Variants in CARS1 observed in about 807,000 individuals in gnomAD.
CARS1 encodes cysteinyl-tRNA synthetase 1.
Under a neutral mutation model 106.2 loss-of-function variants are expected in CARS1, and 48 were observed. That is an observed-to-expected ratio of 0.45 (90% confidence interval 0.36 to 0.57). CARS1 has a LOEUF of 0.57. CARS1 is among the 20% of genes least tolerant of loss of function. The pLI, the probability that CARS1 is intolerant of heterozygous loss-of-function variation, is 0.00. For missense variants in CARS1, 968 were observed against 1,057.2 expected (o/e 0.92, Z 1.17); for synonymous variants, 409 against 403.4 (o/e 1.01, Z -0.17).
In CARS1 at chr11:3,028,680, T is replaced by C. The variant is rs972045362; in HGVS notation, c.1031+316A>G. The C allele has an allele frequency of 2.4e-6, 1 of 408,810 alleles. No homozygotes were observed. The highest frequency in any genetic ancestry group is 4.4e-6 in the Non-Finnish European group (1 of 229,816). 25.3% of individuals were successfully genotyped at this position (408,810 alleles called of 1,614,324 possible). A position where few individuals can be genotyped will look rare whatever the true frequency, so the allele number is the denominator to read the frequency against. On this transcript the variant is annotated intron_variant, in intron 9 of 22. Coordinates refer to ENST00000380525, the MANE Select transcript of CARS1 (RefSeq NM_001014437.3). The surrounding 1 kb of genome is among the most constrained non-coding windows in gnomAD (Gnocchi z 4.4). ...CAAAATGTCTACGCAATGGCACTGATGTCTGTGAAGGCCCAGCAGTATTCG... is the reference window on the plus strand; with the variant it reads ...CAAAATGTCTACGCAATGGCACTGACGTCTGTGAAGGCCCAGCAGTATTCG...
chr11:3,029,824 G>C lies in CARS1; in HGVS notation c.802-381C>G. The C allele has an allele frequency of 1.4e-5, 3 of 210,776 alleles. No homozygotes were observed. The highest frequency in any genetic ancestry group is 2.8e-5 in the Non-Finnish European group (3 of 105,604). The allele number at this position is 210,776 out of a possible 1,614,324, so 13.1% of individuals were successfully genotyped here. Reference sequence around the variant, plus strand: ...GTGTCACCTACAGCACAACCCCTTGGTGCATTCAGGAAAAGATTCATGACG... The same window carrying C: ...GTGTCACCTACAGCACAACCCCTTGCTGCATTCAGGAAAAGATTCATGACG... On this transcript the variant is annotated intron_variant, in intron 7 of 22. Coordinates refer to ENST00000380525, the MANE Select transcript of CARS1 (RefSeq NM_001014437.3). The surrounding 1 kb of genome is among the most constrained non-coding windows in gnomAD (Gnocchi z 5.9).
chr11:3,036,548 A>C (rs1853663948), intron 7 of CARS1, among the ~76,000 whole-genome samples: 1 of 152,256 alleles, frequency 6.6e-6, no homozygotes. Context: ...GGATGTGGAG[A>C]AAACAGAACC....
At chr11:3,035,926 C>T (rs765790390) in intron 7 of CARS1, among the ~76,000 whole-genome samples, 5 of 152,336 alleles carry the variant, frequency 3.3e-5, no homozygotes, top group Middle Eastern at 3.4e-3. Context: ...GCTAAGAGGC[C>T]GGGAAACCCA....
rs1323432087 is a variant in CARS1, at chr11:3,038,653, G to A, written c.652-454C>T. ...AAAATGCCATAAGCATATCCATAAT[G>A]ATTACTGTAATTACTAAGGATAATT... is the stretch of plus-strand genomic sequence containing the variant. On this transcript the variant is annotated intron_variant, in intron 6 of 22. Coordinates refer to ENST00000380525, the MANE Select transcript of CARS1 (RefSeq NM_001014437.3). The surrounding 1 kb of genome is among the most constrained non-coding windows in gnomAD (Gnocchi z 4.0). 6.6e-6 allele frequency among the ~76,000 whole-genome samples: 1 copy of A among 152,134 alleles called. No homozygotes were observed. Among genetic ancestry groups the A allele is most frequent in the African/African-American group, 2.4e-5 (1 of 41,418 alleles).
chr11:3,038,652 T>C lies in CARS1; in HGVS notation c.652-453A>G, dbSNP rs574068023. Among the ~76,000 whole-genome samples, 1 of 152,238 alleles carries C rather than the reference T, an allele frequency of 6.6e-6. No individual in the cohort carries two copies. The highest frequency in any genetic ancestry group is 1.5e-5 in the Non-Finnish European group (1 of 68,040). On this transcript the variant is annotated intron_variant, in intron 6 of 22. Coordinates refer to ENST00000380525, the MANE Select transcript of CARS1 (RefSeq NM_001014437.3). The surrounding 1 kb of genome is among the most constrained non-coding windows in gnomAD (Gnocchi z 4.0). ...TAAAATGCCATAAGCATATCCATAA[T>C]GATTACTGTAATTACTAAGGATAAT...
intron 22 of CARS1, among the ~76,000 whole-genome samples, chr11:3,001,660 C>T (rs1289680727): frequency 5.3e-5 from 8 of 152,218 alleles, no homozygotes; most frequent in Non-Finnish European, 1.5e-5. Flanking sequence ...CTATCTGCGC[C>T]ACGGCACTTC....
chr11:3,042,900 G>C (rs1854667359), intron 2 of CARS1, among the ~76,000 whole-genome samples: 1 of 151,898 alleles, frequency 6.6e-6, no homozygotes, highest in African/African-American at 2.4e-5. Flanking sequence ...CAGCAGGCAA[G>C]ACTGGCTCCA....
rs1855034960 is a variant in CARS1 at position 3,045,941 on chromosome 11, C to G, written c.274+1812G>C. On this transcript the variant is annotated intron_variant, in intron 2 of 22. Transcript: ENST00000380525. The surrounding 1 kb of genome is among the most constrained non-coding windows in gnomAD (Gnocchi z 5.6). ...GAGGTCACTGGATGCTCTAGCAGTC[C>G]CAGACTCCAGCTCCCACCTCCCCCT... 6.6e-6 allele frequency among the ~76,000 whole-genome samples: 1 copy of G among 152,118 alleles called. No individual in the cohort carries two copies. Among genetic ancestry groups the G allele is most frequent in the African/African-American group, 2.4e-5 (1 of 41,404 alleles).
At position 3,045,129 on chromosome 11, in the gene CARS1, T is replaced by G. The variant is rs1408012393; in HGVS notation, c.274+2624A>C. 6.6e-6 allele frequency among the ~76,000 whole-genome samples: 1 copy of G among 151,940 alleles called. No individual in the cohort carries two copies. Among genetic ancestry groups the G allele is most frequent in the African/African-American group, 2.4e-5 (1 of 41,364 alleles). On this transcript the variant is annotated intron_variant, in intron 2 of 22. Transcript: ENST00000380525. The surrounding 1 kb of genome is among the most constrained non-coding windows in gnomAD (Gnocchi z 5.6). The stretch of plus-strand genomic sequence containing the variant: ...CTGAGCCTCCACTGCGGGTGAGAAG[T>G]GCTCAACAAGTTCAACGTCCTGATA...
At position 3,053,568 on chromosome 11, in the gene CARS1, T is replaced by C. The variant is rs1855899458; in HGVS notation, c.25+3775A>G. On this transcript the variant is annotated intron_variant, in intron 1 of 22. Transcript: ENST00000380525. The surrounding 1 kb of genome is among the most constrained non-coding windows in gnomAD (Gnocchi z 6.6). Reference sequence around the variant, plus strand: ...TTAAACCTCTCCCGGCTGCCCTGTTTCTCTTCCTGCGTTCCCTTGAGGCTC... The same window carrying C: ...TTAAACCTCTCCCGGCTGCCCTGTTCCTCTTCCTGCGTTCCCTTGAGGCTC... Among the ~76,000 whole-genome samples the C allele has an allele frequency of 6.6e-6, 1 of 152,058 alleles. No homozygotes were observed. The highest frequency in any genetic ancestry group is 2.4e-5 in the African/African-American group (1 of 41,382).
At chr11:3,018,075 C>G in intron 14 of CARS1, 121 bp from the exon 15 acceptor site, 1 of 667,000 alleles carries the variant, frequency 1.5e-6, no homozygotes. Context: ...CAGAATTACA[C>G]AAGTGGTCAG....
At chr11:3,035,861 G>C (rs938363636) in intron 7 of CARS1, among the ~76,000 whole-genome samples, 1 of 152,184 alleles carries the variant, frequency 6.6e-6, no homozygotes, top group Non-Finnish European at 1.5e-5. Flanking sequence ...CCTGAGAAAG[G>C]CCTGCCTACA....
chr11:3,035,900 C>G (rs916264717), intron 7 of CARS1, among the ~76,000 whole-genome samples: 2 of 152,224 alleles, frequency 1.3e-5, no homozygotes, highest in African/African-American at 4.8e-5. Context: ...CATCCAGGAG[C>G]TGAAATGTCC....
chr11:3,042,307 G>T, intron 2 of CARS1, 51 bp from the exon 3 acceptor site: 1 of 1,371,460 alleles, frequency 7.3e-7, no homozygotes, highest in Non-Finnish European at 1.0e-6. Context: ...ACCAGGAAGT[G>T]CAAGTCGCCT....
At chr11:3,014,184 A>C (rs1169921704) in intron 17 of CARS1, among the ~76,000 whole-genome samples, 1 of 152,122 alleles carries the variant, frequency 6.6e-6, no homozygotes, top group Non-Finnish European at 1.5e-5. Flanking sequence ...GGGGCACTGG[A>C]GGGGAACTCT....
chr11:3,013,806 T>C (rs1282003159), intron 17 of CARS1, among the ~76,000 whole-genome samples: 4 of 152,118 alleles, frequency 2.6e-5, no homozygotes, highest in African/African-American at 7.2e-5. Flanking sequence ...TGACCGGAGA[T>C]TGCGCTACTG....
rs182501851 is a variant in CARS1 at position 3,001,216 on chromosome 11, C to T, written c.2394G>A (p.Glu798=). The change falls in exon 23 of 23, where the codon GAG becomes GAA. Residue 798 remains glutamate, a synonymous_variant. Transcript: ENST00000380525. ...GLPTHDMEGK[E]LSKGQAKKLK... is the part of the protein sequence containing the mutation. ...GCTTCTTGGCTTGCCCTTTGCTGAG[C>T]TCTTTGCCCTCCATGTCATGTGTGG... 3 of 1,613,888 alleles carry T rather than the reference C, an allele frequency of 1.9e-6. No homozygotes were observed. Among genetic ancestry groups the T allele is most frequent in the African/African-American group, 2.7e-5 (2 of 74,934 alleles).
chr11:3,041,044 A>G lies in CARS1; in HGVS notation c.367-60T>C, dbSNP rs746849220. 6.2e-7 allele frequency: 1 copy of G among 1,612,758 alleles called. No homozygotes were observed. The highest frequency in any genetic ancestry group is 1.7e-5 in the Admixed American group (1 of 59,842). On this transcript the variant is annotated intron_variant, in intron 3 of 22. Coordinates refer to ENST00000380525, the MANE Select transcript of CARS1 (RefSeq NM_001014437.3). The surrounding 1 kb of genome is among the most constrained non-coding windows in gnomAD (Gnocchi z 4.9). ...AATGCAAGAAACACTGCACAGGATT[A>G]CCAAAAACAGCAACAAACATCACAG...
rs1855107564 is a variant in CARS1, at chr11:3,046,605, A to G, written c.274+1148T>C. On this transcript the variant is annotated intron_variant, in intron 2 of 22. Transcript: ENST00000380525. This position sits in a 1 kb window ranked among gnomAD's most constrained non-coding sequence, Gnocchi z 5.8. ...TCCAGCCTGGTTAAAACAGTGATCT[A>G]GCAGAGGCCTGACCCACGGCAGAGG... 6.6e-6 allele frequency among the ~76,000 whole-genome samples: 1 copy of G among 152,206 alleles called. No homozygotes were observed. The highest frequency in any genetic ancestry group is 2.4e-5 in the African/African-American group (1 of 41,460).
Sources: allele counts gnomAD v4.1 joint callset (sites outside exome capture counted in the v4.1 genomes callset), GRCh38; gene constraint gnomAD v4.1.1; non-coding constraint Gnocchi (gnomAD v3.1); transcripts MANE v1.5; gene names NCBI Gene and HGNC (gene_info 2026-07-23, HGNC 2026-07-21).